TICRR: variants seen among roughly 807,000 people sequenced by gnomAD.
The protein encoded by TICRR is treslin.
Under a neutral mutation model 178.1 loss-of-function variants are expected in TICRR, and 132 were observed. The observed-to-expected ratio is 0.74, with a 90% confidence interval of 0.64 to 0.86. TICRR has a LOEUF of 0.86. Among genes scored for constraint, TICRR ranks in the 40% least tolerant of loss-of-function variants. The probability of loss-of-function intolerance (pLI) is 0.00; values close to 1 mark genes in which losing one functional copy is unlikely to be tolerated. For synonymous variants in TICRR, 991 were observed against 900.7 expected (o/e 1.10, Z -1.79); for missense variants, 2,587 against 2,334.3 (o/e 1.11, Z -2.23).
At chr15:89,617,953 AGGTGCTG>A in intron 16 of TICRR, 192 bp from the exon 17 acceptor site, 1 of 629,850 alleles carries the variant, frequency 1.6e-6, no homozygotes, top group Middle Eastern at 4.0e-4. Flanking sequence ...TAGCCTCCTA[AGGTGCTG>A]GGATTACAGG....
At chr15:89,581,488 A>G (rs1962724489) in intron 1 of TICRR, among the ~76,000 whole-genome samples, 1 of 152,230 alleles carries the variant, frequency 6.6e-6, no homozygotes, top group African/African-American at 2.4e-5. Flanking sequence ...TTTTACAAAG[A>G]AAGCAGGATT....
intron 4 of TICRR, among the ~76,000 whole-genome samples, chr15:89,588,313 T>C (rs1425224313): frequency 2.0e-5 from 3 of 152,102 alleles, no homozygotes; most frequent in Non-Finnish European, 4.4e-5. Context: ...TCTGTGGGCT[T>C]GCCTGCCTCC....
chr15:89,579,750 A>C (rs1324011866), intron 1 of TICRR: 1 of 152,084 alleles, frequency 6.6e-6, no homozygotes, highest in Non-Finnish European at 1.5e-5. Flanking sequence ...GAAAGTGTTG[A>C]GCTCACTTGC....
chr15:89,599,330 A>G lies in TICRR; in HGVS notation c.1907A>G (p.Lys636Arg), dbSNP rs1436619979. 1 of 1,598,424 alleles carries G rather than the reference A, an allele frequency of 6.3e-7. No individual in the cohort carries two copies. The highest frequency in any genetic ancestry group is 1.1e-5 in the South Asian group (1 of 87,924). ...TLRSSKPKDF[K>R]TEEELLSYIR... ...TATTTTATTTTTTTCTCAGATTTTA[A>G]AACTGAGGAAGAGCTGCTATCATAT... The change falls in exon 8 of 22, where the codon AAA becomes AGA. Residue 636 changes from lysine to arginine, a missense_variant. Transcript: ENST00000268138.
chr15:89,626,430 C>G (rs778439405), intron 21 of TICRR, among the ~76,000 whole-genome samples: 64 of 152,206 alleles, frequency 4.2e-4, no homozygotes, highest in Non-Finnish European at 5.3e-4. Flanking sequence ...TCCGCATGTT[C>G]TGTATATTCG....
chr15:89,624,402 C>T lies in TICRR; in HGVS notation c.4092C>T (p.Leu1364=), dbSNP rs778837232. ...CTGTTCCCTCAACTCCCCCTGAACT[C>T]TCACAGAGAGCTACATTGGACACCG... is the stretch of plus-strand genomic sequence containing the variant. ...SCPVPSTPPE[L]SQRATLDTVP... The change falls in exon 20 of 22, where the codon CTC becomes CTT. Residue 1364 remains leucine (L), a synonymous_variant. Transcript: ENST00000268138. 3.1e-6 allele frequency: 5 copies of T among 1,614,192 alleles called. No homozygotes were observed. The South Asian group carries it at 5.5e-5, about 18-fold the overall frequency.
intron 14 of TICRR, among the ~76,000 whole-genome samples, chr15:89,608,531 G>A (rs1006321151): frequency 1.3e-5 from 2 of 152,210 alleles, no homozygotes; most frequent in Admixed American, 6.5e-5. Context: ...AAATGATGCT[G>A]AGACAACTGG....
chr15:89,625,546 C>G lies in TICRR; in HGVS notation c.5236C>G (p.Leu1746Val). The G allele has an allele frequency of 6.2e-7, 1 of 1,613,408 alleles. No homozygotes were observed. Among genetic ancestry groups the G allele is most frequent in the Non-Finnish European group, 8.5e-7 (1 of 1,180,002 alleles). ...TTTTGAGCTCGAGGGAGTGTGCCAGCTCCCAGACCAGTCGCCTCCCAGGAA... is the reference window on the plus strand; with the variant it reads ...TTTTGAGCTCGAGGGAGTGTGCCAGGTCCCAGACCAGTCGCCTCCCAGGAA... ...EDFELEGVCQ[L>V]PDQSPPRNSM... is the part of the protein sequence containing the mutation. Residue 1746 changes from leucine to valine, a missense_variant, in exon 20 of 22, where the codon CTC becomes GTC. Leu to Val is a conservative substitution (Grantham distance 32). Coordinates refer to ENST00000268138, the MANE Select transcript of TICRR (RefSeq NM_152259.4).
chr15:89,587,669 A>G (rs190302721), intron 4 of TICRR, among the ~76,000 whole-genome samples: 2 of 152,300 alleles, frequency 1.3e-5, no homozygotes, highest in African/African-American at 2.4e-5. Context: ...CTGACATTCA[A>G]CTGAGCAATG....
Position 89,623,729 on chromosome 15 carries a change from A to ATTACT in TICRR, c.3419_3420insTTACT (p.Lys1140AsnfsTer8). The ATTACT allele has an allele frequency of 6.2e-7, 1 of 1,614,164 alleles. No homozygotes were observed. The highest frequency in any genetic ancestry group is 8.5e-7 in the Non-Finnish European group (1 of 1,180,026). ...TTGTATACTCCAGAAAGGCTGCAGA[A>ATTACT]GTCCCCTGCAAAAATGACCCCTACA... On this transcript the variant is annotated frameshift_variant, in exon 20 of 22. Coordinates refer to ENST00000268138, the MANE Select transcript of TICRR (RefSeq NM_152259.4). LOFTEE classifies it high-confidence loss of function.
chr15:89,602,848 C>G lies in TICRR; in HGVS notation c.2620C>G (p.Arg874Gly). The change falls in exon 13 of 22, where the codon CGA (arginine) becomes GGA (glycine). Residue 874 changes from arginine (R) to glycine (G), a missense_variant. By Grantham distance (125) the Arg-to-Gly change is moderately radical (BLOSUM62 -2). Transcript: ENST00000268138. ...CATTGCTGAGGTTTCACAGAATCTT[C>G]GACAAATTGAAATTCCTAAAGTGTC... is the stretch of plus-strand genomic sequence containing the variant. ...KSIAEVSQNL[R>G]QIEIPKVSKR... 6.6e-7 allele frequency: 1 copy of G among 1,523,768 alleles called. No homozygotes were observed. Among genetic ancestry groups the G allele is most frequent in the South Asian group, 1.3e-5 (1 of 74,302 alleles). The allele number at this position is 1,523,768 out of a possible 1,614,324, so 94.4% of individuals were successfully genotyped here.
intron 11 of TICRR, 48 bp downstream of exon 11, chr15:89,601,616 C>A: frequency 1.2e-6 from 2 of 1,610,798 alleles, no homozygotes; most frequent in South Asian, 2.2e-5. Flanking sequence ...TTTGTCAAAA[C>A]CTATGTATGG....
intron 14 of TICRR, among the ~76,000 whole-genome samples, chr15:89,607,833 G>T (rs541919603): frequency 6.6e-6 from 1 of 152,034 alleles, no homozygotes; most frequent in Non-Finnish European, 1.5e-5. Context: ...GTATTGTCTT[G>T]CTGGCTTTGC....
rs962247952 is a variant in TICRR at position 89,627,338 on chromosome 15, A to G, written c.*252A>G. The G allele has an allele frequency of 4.1e-5, 18 of 441,350 alleles. No individual in the cohort carries two copies. The highest frequency in any genetic ancestry group is 3.6e-4 in the African/African-American group (18 of 50,646). 27.3% of individuals were successfully genotyped at this position (441,350 alleles called of 1,614,324 possible). A position where few individuals can be genotyped will look rare whatever the true frequency, so the allele number is the denominator to read the frequency against. On this transcript the variant is annotated 3_prime_UTR_variant, in exon 22 of 22. Transcript: ENST00000268138. ...CTATAACTCAGGCAGCCTGGGAGTC[A>G]GGAACCCAGACAAGGAATCCCATTC...
intron 1 of TICRR, among the ~76,000 whole-genome samples, chr15:89,578,023 G>T (rs1015217984): frequency 1.3e-5 from 2 of 152,256 alleles, no homozygotes; most frequent in Middle Eastern, 6.8e-3. Context: ...AGCTGGAAAT[G>T]AACTTAGTTT....
intron 19 of TICRR, among the ~76,000 whole-genome samples, chr15:89,622,437 C>A (rs944785451): frequency 6.6e-6 from 1 of 152,208 alleles, no homozygotes; most frequent in Non-Finnish European, 1.5e-5. Flanking sequence ...ACATTCCTCT[C>A]AGTTTGCTTA....
chr15:89,624,986 AT>A lies in TICRR; in HGVS notation c.4677del (p.Tyr1559Ter). 6.2e-7 allele frequency: 1 copy of A among 1,614,038 alleles called. No individual in the cohort carries two copies. The highest frequency in any genetic ancestry group is 8.5e-7 in the Non-Finnish European group (1 of 1,180,012). On this transcript the variant is annotated frameshift_variant, in exon 20 of 22. Coordinates refer to ENST00000268138, the MANE Select transcript of TICRR (RefSeq NM_152259.4). LOFTEE classifies it high-confidence loss of function. Reference protein sequence around the residue: ...HSTDSASPQTYEVELEMQASG... With the variant: ...HSTDSASPQTXEVELEMQASG... ...ACAGACTCTGCCAGCCCACAGACCT[AT>A]GAGGTTGAGCTGGAGATGCAAGCTT...
chr15:89,607,038 AAAAC>A (rs1963185882), intron 14 of TICRR, among the ~76,000 whole-genome samples: 1 of 152,184 alleles, frequency 6.6e-6, no homozygotes, highest in South Asian at 2.1e-4. Context: ...TTTAAAAACA[AAAAC>A]AAAATTAAAA....
At chr15:89,620,657 T>A (rs1418338632) in intron 18 of TICRR, among the ~76,000 whole-genome samples, 1 of 150,572 alleles carries the variant, frequency 6.6e-6, no homozygotes, top group Admixed American at 6.6e-5. Context: ...TTTTCCCGAG[T>A]TGCTCTCAAA....
Sources: allele counts gnomAD v4.1 joint callset (sites outside exome capture counted in the v4.1 genomes callset), GRCh38; gene constraint gnomAD v4.1.1; transcripts MANE v1.5; gene names NCBI Gene and HGNC (gene_info 2026-07-23, HGNC 2026-07-21).